The following ABCA13 variants were observed in gnomAD, a reference collection of about 807,000 sequenced individuals.
The protein encoded by ABCA13 is ATP binding cassette subfamily A member 13.
A neutral mutation model predicts 478.7 loss-of-function variants in ABCA13; 476 were observed. That is an observed-to-expected ratio of 0.99 (90% confidence interval 0.92 to 1.07). ABCA13 has a LOEUF of 1.07. ABCA13 is among the 50% of genes least tolerant of loss of function. The pLI is 0.00. For missense variants in ABCA13, 6,060 were observed against 5,910.6 expected (o/e 1.03, Z -0.83); for synonymous variants, 2,252 against 2,158.9 (o/e 1.04, Z -1.20).
At chr7:48,438,116 A>C (rs191667638) in intron 42 of ABCA13, among the ~76,000 whole-genome samples, 1 of 152,136 alleles carries the variant, frequency 6.6e-6, no homozygotes, top group East Asian at 1.9e-4. Flanking sequence ...GAATCAGGTA[A>C]AACAGACACT....
At chr7:48,177,567 T>C (rs997828477) in intron 1 of ABCA13, among the ~76,000 whole-genome samples, 1 of 152,182 alleles carries the variant, frequency 6.6e-6, no homozygotes, top group African/African-American at 2.4e-5. Flanking sequence ...GCGAGAGGGT[T>C]CTCAGGTGGT....
intron 41 of ABCA13, among the ~76,000 whole-genome samples, chr7:48,415,852 A>G (rs1819905448): frequency 6.6e-6 from 1 of 152,226 alleles, no homozygotes; most frequent in East Asian, 1.9e-4. Context: ...GGTAAAACAT[A>G]CATTTAGGGA....
intron 15 of ABCA13, among the ~76,000 whole-genome samples, chr7:48,267,956 C>T (rs1160342883): frequency 2.6e-5 from 4 of 151,950 alleles, no homozygotes; most frequent in Non-Finnish European, 4.4e-5. Context: ...TTTAGGATCT[C>T]GTTTTTAAGA....
chr7:48,349,392 A>G (rs2117092), intron 29 of ABCA13, among the ~76,000 whole-genome samples: 5,488 of 152,300 alleles, frequency 0.036, 154 homozygotes, highest in East Asian at 0.14. Context: ...GGCAGCTTAC[A>G]TGTTCTCATC....
intron 58 of ABCA13, among the ~76,000 whole-genome samples, chr7:48,614,644 A>C (rs1247634052): frequency 1.3e-5 from 2 of 150,778 alleles, no homozygotes; most frequent in African/African-American, 4.8e-5. Context: ...CCAAATGTCC[A>C]ACAATGATAG....
chr7:48,314,663 C>T (rs1364102590), intron 26 of ABCA13, among the ~76,000 whole-genome samples: 1 of 152,142 alleles, frequency 6.6e-6, no homozygotes, highest in Non-Finnish European at 1.5e-5. Flanking sequence ...ACACCTGAAA[C>T]CCCAGCCCCA....
intron 27 of ABCA13, among the ~76,000 whole-genome samples, chr7:48,320,894 G>T (rs1803353298): frequency 6.6e-6 from 1 of 152,166 alleles, no homozygotes; most frequent in Non-Finnish European, 1.5e-5. Context: ...TTGTGAAACT[G>T]GGCTAAATCA....
intron 45 of ABCA13, among the ~76,000 whole-genome samples, chr7:48,478,292 T>TA (rs1237616385): frequency 1.1e-3 from 137 of 125,460 alleles, no homozygotes; most frequent in African/African-American, 3.7e-3. Context: ...TATATATCAT[T>TA]TTATATATAT....
At chr7:48,456,561 T>C (rs77983948) in intron 43 of ABCA13, among the ~76,000 whole-genome samples, 2 of 152,248 alleles carry the variant, frequency 1.3e-5, no homozygotes, top group Non-Finnish European at 2.9e-5. Context: ...CCACATGATA[T>C]ACATAATACT....
chr7:48,537,749 G>C (rs1200260020), intron 55 of ABCA13, among the ~76,000 whole-genome samples: 1 of 152,050 alleles, frequency 6.6e-6, no homozygotes, highest in East Asian at 2.0e-4. Context: ...CAGGTGATCA[G>C]GGGTGACTCA....
At chr7:48,595,909 C>G (rs538434837) in intron 58 of ABCA13, among the ~76,000 whole-genome samples, 1 of 152,276 alleles carries the variant, frequency 6.6e-6, no homozygotes, top group Non-Finnish European at 1.5e-5. Flanking sequence ...AAACATGCTT[C>G]CCAACAGTCT....
chr7:48,277,064 G>T (rs1053112277), intron 17 of ABCA13, among the ~76,000 whole-genome samples: 24 of 152,152 alleles, frequency 1.6e-4, no homozygotes, highest in Non-Finnish European at 1.5e-5. Context: ...CAGTGAAAAG[G>T]CTGGAGGGAA....
In ABCA13 at chr7:48,335,501, G is replaced by T. The variant is rs1441900210; in HGVS notation, c.10079G>T (p.Arg3360Ile). 6.2e-7 allele frequency: 1 copy of T among 1,613,644 alleles called. No individual in the cohort carries two copies. Among genetic ancestry groups the T allele is most frequent in the Admixed American group, 1.7e-5 (1 of 59,994 alleles). The change falls in exon 28 of 62, where the codon AGA becomes ATA. Residue 3360 changes from arginine (R) to isoleucine (I), a missense_variant. Arg to Ile is a moderately conservative substitution (Grantham distance 97). Around this residue, in one of 3 missense-constraint regions of ABCA13, gnomAD observed 4,423 missense variants for 4,309.1 expected, o/e 1.03. Transcript: ENST00000435803. ...TLLEMSSLFQ[R>I]SGSGQMFNQL... is the part of the protein sequence containing the mutation. ...CTGGAAATGTCCAGCCTTTTCCAGA[G>T]AAGTGGAAGTGGCCAGATGTTCAAC...
intron 41 of ABCA13, among the ~76,000 whole-genome samples, chr7:48,425,195 A>T (rs1040075535): frequency 2.0e-5 from 3 of 152,168 alleles, no homozygotes; most frequent in African/African-American, 4.8e-5. Context: ...ACATGTGCAT[A>T]TACATTCACA....
Position 48,507,794 on chromosome 7 carries a change from A to G in ABCA13, c.13347-78A>G, listed in dbSNP as rs372167949. The G allele has an allele frequency of 7.6e-6, 11 of 1,443,018 alleles. No individual in the cohort carries two copies. In the African/African-American group the frequency reaches 8.5e-5, roughly 11 times the overall value. The allele number at this position is 1,443,018 out of a possible 1,614,324, so 89.4% of individuals were successfully genotyped here. ...TTAATTAGCAGTTTTCACTGCTGTC[A>G]TCATTGCTGATTGTTATTAGCAAAG... is the stretch of plus-strand genomic sequence containing the variant. On this transcript the variant is annotated intron_variant, in intron 49 of 61. Transcript: ENST00000435803.
chr7:48,483,327 T>A (rs1202754999), intron 47 of ABCA13, among the ~76,000 whole-genome samples, 164 bp downstream of exon 47: 3 of 152,074 alleles, frequency 2.0e-5, no homozygotes, highest in Admixed American at 6.5e-5. Flanking sequence ...TGAAAAAAAA[T>A]GGCTTGTTTT....
intron 23 of ABCA13, among the ~76,000 whole-genome samples, chr7:48,307,201 T>A (rs1801033289): frequency 6.6e-6 from 1 of 152,186 alleles, no homozygotes; most frequent in South Asian, 2.1e-4. Flanking sequence ...CATCATTATG[T>A]GAACATTATA....
At chr7:48,505,710 G>A (rs933396086) in intron 48 of ABCA13, among the ~76,000 whole-genome samples, 1 of 152,162 alleles carries the variant, frequency 6.6e-6, no homozygotes, top group Non-Finnish European at 1.5e-5. Context: ...ACACAATATT[G>A]ACTAGAATTT....
At chr7:48,495,453 C>T (rs1830192470) in intron 48 of ABCA13, among the ~76,000 whole-genome samples, 1 of 151,970 alleles carries the variant, frequency 6.6e-6, no homozygotes, top group Non-Finnish European at 1.5e-5. Context: ...ATTTTATGGT[C>T]AGGATATTGT....
Sources: gnomAD v4.1 joint callset for allele counts (sites outside exome capture counted in the v4.1 genomes callset) on GRCh38, gnomAD v4.1.1 for gene constraint, gnomAD v4.1.1 regional missense constraint, MANE v1.5 for transcripts, NCBI Gene and HGNC (gene_info 2026-07-23, HGNC 2026-07-21) for gene names.